FOXF2: variants seen among roughly 807,000 people sequenced by gnomAD.
The protein encoded by FOXF2 is forkhead box F2, also known as forkhead box protein F2.
In FOXF2, 15 loss-of-function variants were observed where a neutral mutation model predicts 29.1. The ratio of observed to expected loss-of-function variants is 0.52; its 90% CI spans 0.35 to 0.79. The LOEUF is 0.79. Among genes scored for constraint, FOXF2 ranks in the 30% least tolerant of loss-of-function variants. The pLI is 0.01. For synonymous variants in FOXF2, 337 were observed against 316.5 expected (o/e 1.06, Z -0.69); for missense variants, 675 against 667.1 (o/e 1.01, Z -0.13).
rs763465863 is a variant in FOXF2, at chr6:1,390,919, G to C, written c.972G>C (p.Ala324=). The C allele has an allele frequency of 1.0e-5, 16 of 1,550,302 alleles. No individual in the cohort carries two copies. The highest frequency in any genetic ancestry group is 2.6e-6 in the Non-Finnish European group (3 of 1,154,798). ...CGGTACCCTCGTCCCCGGCCATGGC[G>C]AGCGCCATCGAATGCCACTCGCCCT... ...SSPVPSSPAM[A]SAIECHSPYT... Residue 324 remains alanine, a synonymous_variant, in exon 1 of 2, where the codon GCG becomes GCC. Transcript: ENST00000645481. This position sits in a 1 kb window ranked among gnomAD's most constrained non-coding sequence, Gnocchi z 8.5.
Position 1,389,749 on chromosome 6 carries a change from G to T in FOXF2, c.-199G>T. The T allele has an allele frequency of 6.5e-6, 1 of 153,064 alleles. No individual in the cohort carries two copies. The highest frequency in any genetic ancestry group is 1.4e-5 in the Non-Finnish European group (1 of 70,464). 9.5% of individuals were successfully genotyped at this position (153,064 alleles called of 1,614,324 possible). On this transcript the variant is annotated 5_prime_UTR_variant, in exon 1 of 2. Coordinates refer to ENST00000645481, the MANE Select transcript of FOXF2 (RefSeq NM_001452.2). The stretch of plus-strand genomic sequence containing the variant: ...AGGGATGCGCCGGGCGTTGCCTCCC[G>T]CCCGCCGCCGCCGCCGCCGCCAGAA...
At chr6:1,392,434 T>TCACACACACA (rs71738664) in intron 1 of FOXF2, among the ~76,000 whole-genome samples, 1,823 of 107,606 alleles carry the variant, frequency 0.017, 6 homozygotes, top group African/African-American at 0.02. Flanking sequence ...CGGCTGTCAA[T>TCACACACACA]CACACACACA....
intron 1 of FOXF2, among the ~76,000 whole-genome samples, chr6:1,392,163 A>G (rs1758802359): frequency 6.6e-6 from 1 of 152,162 alleles, no homozygotes; most frequent in Admixed American, 6.5e-5. Flanking sequence ...GCCGGTGTGC[A>G]GCGGGAGCAC....
In FOXF2 at chr6:1,393,716, C is replaced by T. The variant is rs557220402; in HGVS notation, c.1172-980C>T. Reference sequence around the variant, plus strand: ...CGAAGCGACGTGCACTTTATGGTCCCCACACCACTCGGTTAACTAAGAAAA... The same window carrying T: ...CGAAGCGACGTGCACTTTATGGTCCTCACACCACTCGGTTAACTAAGAAAA... On this transcript the variant is annotated intron_variant, in intron 1 of 1. Transcript: ENST00000645481. Among the ~76,000 whole-genome samples, 4 of 152,322 alleles carry T rather than the reference C, an allele frequency of 2.6e-5. No individual in the cohort carries two copies. In the East Asian group the frequency reaches 7.7e-4, roughly 29 times the overall value.
chr6:1,393,171 C>T (rs1212368063), intron 1 of FOXF2, among the ~76,000 whole-genome samples: 1 of 151,836 alleles, frequency 6.6e-6, no homozygotes, highest in Non-Finnish European at 1.5e-5. Context: ...CCAGCACGAC[C>T]CTCCCTCCCC....
In FOXF2 at chr6:1,390,779, C is replaced by A; in HGVS notation, c.832C>A (p.Pro278Thr). The A allele has an allele frequency of 7.2e-7, 1 of 1,390,692 alleles. No individual in the cohort carries two copies. 86.1% of individuals were successfully genotyped at this position (1,390,692 alleles called of 1,614,324 possible). The change falls in exon 1 of 2, where the codon CCC becomes ACC. Residue 278 changes from proline to threonine, a missense_variant. Pro to Thr is a conservative substitution (Grantham distance 38). Transcript: ENST00000645481. The surrounding 1 kb of genome is among the most constrained non-coding windows in gnomAD (Gnocchi z 8.5). ...CCACCACCACGTCCCGCACATGTCG[C>A]CCAACCCGGGTTCCACCTACATGGC... Reference protein sequence around the residue: ...HHHHHVPHMSPNPGSTYMASC... With the variant: ...HHHHHVPHMSTNPGSTYMASC...
chr6:1,391,554 A>AC (rs1453299899), intron 1 of FOXF2, among the ~76,000 whole-genome samples: 3 of 152,196 alleles, frequency 2.0e-5, no homozygotes, highest in Non-Finnish European at 4.4e-5. Flanking sequence ...GTCCCGAAGT[A>AC]AATGTCAGAA....
At position 1,390,175 on chromosome 6, in the gene FOXF2, G is replaced by C; in HGVS notation, c.228G>C (p.Ala76=). The stretch of plus-strand genomic sequence containing the variant: ...CCCCCTCGGCTGCCTGCAAGAGCGC[G>C]GGCGGCGGCGGCGCGGGCGCCGGGA... ...ASAPSAACKS[A]GGGGAGAGSG... Residue 76 remains alanine (A), a synonymous_variant, in exon 1 of 2, where the codon GCG becomes GCC. Coordinates refer to ENST00000645481, the MANE Select transcript of FOXF2 (RefSeq NM_001452.2). This position sits in a 1 kb window ranked among gnomAD's most constrained non-coding sequence, Gnocchi z 8.5. 6.9e-7 allele frequency: 1 copy of C among 1,459,806 alleles called. No homozygotes were observed. The highest frequency in any genetic ancestry group is 2.7e-5 in the Admixed American group (1 of 37,282). 90.4% of individuals were successfully genotyped at this position (1,459,806 alleles called of 1,614,324 possible).
At chr6:1,393,344 G>T (rs1443472248) in intron 1 of FOXF2, among the ~76,000 whole-genome samples, 1 of 151,952 alleles carries the variant, frequency 6.6e-6, no homozygotes, top group Non-Finnish European at 1.5e-5. Flanking sequence ...TCAAAGCGCC[G>T]ACGGCCGCCT....
rs375909051 is a variant in FOXF2 at position 1,394,813 on chromosome 6, A to G, written c.1289A>G (p.His430Arg). ...HPSASGSYYHHHHQSVCQDIK... is the reference protein window; with the variant it reads ...HPSASGSYYHRHHQSVCQDIK... ...TCAGCTAGCGGGTCGTATTATCACCATCACCACCAGAGCGTCTGTCAGGAT... is the reference window on the plus strand; with the variant it reads ...TCAGCTAGCGGGTCGTATTATCACCGTCACCACCAGAGCGTCTGTCAGGAT... Residue 430 changes from histidine to arginine, a missense_variant, in exon 2 of 2, where the codon CAT (histidine) becomes CGT (arginine). Physicochemically the swap from His to Arg is conservative, Grantham distance 29 (BLOSUM62 0). Around this residue, in one of 3 missense-constraint regions of FOXF2, gnomAD observed 451 missense variants for 437.2 expected, o/e 1.03. Transcript: ENST00000645481. The G allele has an allele frequency of 1.2e-6, 2 of 1,614,018 alleles. No homozygotes were observed. The highest frequency in any genetic ancestry group is 2.2e-5 in the East Asian group (1 of 44,890).
Position 1,390,981 on chromosome 6 carries a change from C to T in FOXF2, c.1034C>T (p.Ala345Val). 1 of 1,595,296 alleles carries T rather than the reference C, an allele frequency of 6.3e-7. No individual in the cohort carries two copies. The highest frequency in any genetic ancestry group is 8.5e-7 in the Non-Finnish European group (1 of 1,177,698). ...SPAAHWSSPG[A>V]SPYLKQPPAL... ...GCGGCGCACTGGAGCTCGCCTGGCG[C>T]CTCGCCTTACCTCAAGCAGCCGCCT... The change falls in exon 1 of 2, where the codon GCC (alanine) becomes GTC (valine). Residue 345 changes from alanine to valine, a missense_variant. Physicochemically the swap from Ala to Val is moderately conservative, Grantham distance 64. Around this residue, in one of 3 missense-constraint regions of FOXF2, gnomAD observed 451 missense variants for 437.2 expected, o/e 1.03. Coordinates refer to ENST00000645481, the MANE Select transcript of FOXF2 (RefSeq NM_001452.2). The surrounding 1 kb of genome is among the most constrained non-coding windows in gnomAD (Gnocchi z 8.5).
rs1213630014 is a variant in FOXF2, at chr6:1,394,974, G to A, written c.*115G>A. 12 of 1,034,808 alleles carry A rather than the reference G, an allele frequency of 1.2e-5. No individual in the cohort carries two copies. The highest frequency in any genetic ancestry group is 9.3e-5 in the Admixed American group (5 of 53,970). The allele number at this position is 1,034,808 out of a possible 1,614,324, so 64.1% of individuals were successfully genotyped here. On this transcript the variant is annotated 3_prime_UTR_variant, in exon 2 of 2. Coordinates refer to ENST00000645481, the MANE Select transcript of FOXF2 (RefSeq NM_001452.2). ...GCGGATAGCAGTAAGCCACACACCT[G>A]CCACTTAGCCAGAATGCCCAGGATC...
Position 1,389,586 on chromosome 6 carries a change from G to T in FOXF2, c.-362G>T, listed in dbSNP as rs1362030993. ...GGAAGTCCGAGAGACAGAGCGAGGA[G>T]CGCTCCTGAAGGGAGACGTCGGGCT... On this transcript the variant is annotated 5_prime_UTR_variant, in exon 1 of 2. Coordinates refer to ENST00000645481, the MANE Select transcript of FOXF2 (RefSeq NM_001452.2). The T allele has an allele frequency of 6.6e-6, 1 of 150,976 alleles. No homozygotes were observed. The highest frequency in any genetic ancestry group is 1.5e-5 in the Non-Finnish European group (1 of 67,322). 9.4% of individuals were successfully genotyped at this position (150,976 alleles called of 1,614,324 possible). A position where few individuals can be genotyped will look rare whatever the true frequency, so the allele number is the denominator to read the frequency against.
chr6:1,394,695 G>C lies in FOXF2; in HGVS notation c.1172-1G>C. The C allele has an allele frequency of 6.2e-7, 1 of 1,613,970 alleles. No homozygotes were observed. Among genetic ancestry groups the C allele is most frequent in the Non-Finnish European group, 8.5e-7 (1 of 1,179,982 alleles). Reference sequence around the variant, plus strand: ...AGGTTTTTTTTTCTTTCTTCTTTCAGTGGGACTGCCCCGTTACCAGCATCA... The same window carrying C: ...AGGTTTTTTTTTCTTTCTTCTTTCACTGGGACTGCCCCGTTACCAGCATCA... On this transcript the variant is annotated splice_acceptor_variant, in intron 1 of 1. Transcript: ENST00000645481. LOFTEE classifies it high-confidence loss of function.
chr6:1,392,449 C>CAA (rs1758808188), intron 1 of FOXF2, among the ~76,000 whole-genome samples: 1 of 146,656 alleles, frequency 6.8e-6, no homozygotes, highest in Non-Finnish European at 1.5e-5. Context: ...CACACACACA[C>CAA]ACACACACAC....
chr6:1,390,730 C>A lies in FOXF2; in HGVS notation c.783C>A (p.Ser261Arg), dbSNP rs961332909. The change falls in exon 1 of 2, where the codon AGC becomes AGA. Residue 261 changes from serine (S) to arginine (R), a missense_variant. This residue lies in a region of FOXF2 where 451 missense variants were observed against 437.2 expected (regional missense o/e 1.03). Transcript: ENST00000645481. The surrounding 1 kb of genome is among the most constrained non-coding windows in gnomAD (Gnocchi z 8.5). ...ACGACGCCGGCGCGGGCGCCCCCAG[C>A]CACGCGCACCCTCACCACCACCACC... ...AGYDAGAGAPSHAHPHHHHHH... is the reference protein window; with the variant it reads ...AGYDAGAGAPRHAHPHHHHHH... 3 of 1,426,866 alleles carry A rather than the reference C, an allele frequency of 2.1e-6. No individual in the cohort carries two copies. The highest frequency in any genetic ancestry group is 2.0e-4 in the Middle Eastern group (1 of 4,900). The allele number at this position is 1,426,866 out of a possible 1,614,324, so 88.4% of individuals were successfully genotyped here. A position where few individuals can be genotyped will look rare whatever the true frequency, so the allele number is the denominator to read the frequency against.
chr6:1,389,693 C>T lies in FOXF2; in HGVS notation c.-255C>T, dbSNP rs868571496. The T allele has an allele frequency of 6.3e-4, 95 of 150,750 alleles. No individual in the cohort carries two copies. The highest frequency in any genetic ancestry group is 2.2e-3 in the African/African-American group (91 of 41,270). 9.3% of individuals were successfully genotyped at this position (150,750 alleles called of 1,614,324 possible). A position where few individuals can be genotyped will look rare whatever the true frequency, so the allele number is the denominator to read the frequency against. The stretch of plus-strand genomic sequence containing the variant: ...CGCTCGGCCCCGCGGCCTGGGAGGC[C>T]GTTGCGCAAGGCAGGGCCCGCGGCT... On this transcript the variant is annotated 5_prime_UTR_variant, in exon 1 of 2. Transcript: ENST00000645481.
chr6:1,393,106 G>C (rs543511440), intron 1 of FOXF2, among the ~76,000 whole-genome samples: 15 of 152,176 alleles, frequency 9.9e-5, no homozygotes, highest in African/African-American at 3.4e-4. Context: ...AGGCGCGGGG[G>C]TGGCCAAGGC....
chr6:1,390,282 C>A lies in FOXF2; in HGVS notation c.335C>A (p.Ala112Asp). 1 of 1,612,600 alleles carries A rather than the reference C, an allele frequency of 6.2e-7. No homozygotes were observed. Among genetic ancestry groups the A allele is most frequent in the Non-Finnish European group, 8.5e-7 (1 of 1,179,834 alleles). Residue 112 changes from alanine to aspartate, a missense_variant, in exon 1 of 2, where the codon GCC becomes GAC. Coordinates refer to ENST00000645481, the MANE Select transcript of FOXF2 (RefSeq NM_001452.2). The surrounding 1 kb of genome is among the most constrained non-coding windows in gnomAD (Gnocchi z 8.5). Reference sequence around the variant, plus strand: ...TCGTACATCGCGCTCATCGTCATGGCCATCCAGAGCTCGCCCAGCAAGCGC... The same window carrying A: ...TCGTACATCGCGCTCATCGTCATGGACATCCAGAGCTCGCCCAGCAAGCGC... ...PYSYIALIVM[A>D]IQSSPSKRLT...
Sources: gnomAD v4.1 joint callset for allele counts (sites outside exome capture counted in the v4.1 genomes callset) on GRCh38, gnomAD v4.1.1 for gene constraint, gnomAD v4.1.1 regional missense constraint, Gnocchi (gnomAD v3.1) non-coding constraint, MANE v1.5 for transcripts, NCBI Gene and HGNC (gene_info 2026-07-23, HGNC 2026-07-21) for gene names.